Variants in ABCA12 observed in about 807,000 individuals in gnomAD.
ABCA12 encodes glucosylceramide transporter ABCA12.
A neutral mutation model predicts 293.5 loss-of-function variants in ABCA12; 156 were observed. The observed-to-expected ratio is 0.53, with a 90% CI of 0.47 to 0.61. The LOEUF (loss-of-function observed/expected upper bound fraction) is 0.61. ABCA12 is among the 20% of genes least tolerant of loss of function. ABCA12 has a pLI of 0.00. For missense variants in ABCA12, 2,797 were observed against 3,090.2 expected, an observed-to-expected ratio of 0.91 and a Z score of 2.25; for synonymous variants, 1,063 against 1,108.0, an observed-to-expected ratio of 0.96 and a Z score of 0.81.
At chr2:215,047,241 AT>A (rs1448801815) in intron 6 of ABCA12, among the ~76,000 whole-genome samples, 2 of 152,234 alleles carry the variant, frequency 1.3e-5, no homozygotes, top group Non-Finnish European at 2.9e-5. Flanking sequence ...ATTAAATTAA[AT>A]TTGTTTAAAG....
chr2:215,135,745 A>AT (rs1441643049), intron 1 of ABCA12, among the ~76,000 whole-genome samples: 1 of 151,860 alleles, frequency 6.6e-6, no homozygotes, highest in East Asian at 1.9e-4. Context: ...TCTTTAGACA[A>AT]TTTTTTTCAT....
chr2:214,997,669 A>T, intron 23 of ABCA12, 26 bp downstream of exon 23: 1 of 1,493,452 alleles, frequency 6.7e-7, no homozygotes. Context: ...GGACTTATTC[A>T]TAACAAGAAG....
intron 4 of ABCA12, 35 bp downstream of exon 4, chr2:215,054,538 G>C (rs761307514): frequency 2.6e-6 from 4 of 1,517,420 alleles, no homozygotes; most frequent in Non-Finnish European, 3.7e-6. Flanking sequence ...GTTCCATAAG[G>C]CTTGTTCTGA....
intron 39 of ABCA12, chr2:214,962,257 A>C (rs1699134670): frequency 6.6e-6 from 1 of 152,212 alleles, no homozygotes; most frequent in Admixed American, 6.5e-5. Flanking sequence ...ACTCAACTGA[A>C]GTAGGCATGG....
At chr2:214,954,347 C>T (rs1221733819) in intron 43 of ABCA12, among the ~76,000 whole-genome samples, 2 of 152,050 alleles carry the variant, frequency 1.3e-5, no homozygotes, top group African/African-American at 4.8e-5. Context: ...TGGACCTAAT[C>T]CTGGAGGCAA....
chr2:215,032,164 A>C, intron 8 of ABCA12: 1 of 1,260,160 alleles, frequency 7.9e-7, no homozygotes, highest in East Asian at 3.4e-5. Context: ...GCATCAAGCC[A>C]CTACATTATT....
chr2:215,003,021 C>T (rs970134643), intron 20 of ABCA12, among the ~76,000 whole-genome samples: 4 of 152,134 alleles, frequency 2.6e-5, no homozygotes, highest in African/African-American at 9.7e-5. Context: ...GAGAGTAAAT[C>T]CACTAGTACC....
At chr2:215,039,530 T>C (rs1340706535) in intron 7 of ABCA12, among the ~76,000 whole-genome samples, 1 of 152,100 alleles carries the variant, frequency 6.6e-6, no homozygotes, top group African/African-American at 2.4e-5. Context: ...CCAAGGCGGA[T>C]GGATCATGAG....
Position 215,040,985 on chromosome 2 carries a change from G to A in ABCA12, c.873-3920C>T, listed in dbSNP as rs78817004. On this transcript the variant is annotated intron_variant, in intron 7 of 52. Transcript: ENST00000272895. ...CACCTACTAAGCCGTGCAACCTGCA[G>A]GCCAAATCCAGCCCTAAGGCCTGTT... 4.1e-3 allele frequency among the ~76,000 whole-genome samples: 623 copies of A among 152,150 alleles called. 30 individuals are homozygous for A. The East Asian group carries it at 0.1, about 25-fold the overall frequency.
At chr2:214,968,954 A>T in intron 37 of ABCA12, 147 bp from the exon 38 acceptor site, 2 of 674,376 alleles carry the variant, frequency 3.0e-6, no homozygotes, top group Non-Finnish European at 5.2e-6. Flanking sequence ...CAAATATTTT[A>T]CATTTCTATC....
At chr2:215,111,035 G>GA (rs1299175781) in intron 2 of ABCA12, among the ~76,000 whole-genome samples, 2 of 152,214 alleles carry the variant, frequency 1.3e-5, no homozygotes, top group Admixed American at 1.3e-4. Flanking sequence ...GGATCCAAAA[G>GA]AAAATAACGG....
chr2:215,053,150 A>T (rs534759915), intron 4 of ABCA12, among the ~76,000 whole-genome samples: 1 of 152,246 alleles, frequency 6.6e-6, no homozygotes, highest in South Asian at 2.1e-4. Flanking sequence ...TAATTAAGTA[A>T]TTCCCAATGC....
chr2:215,057,111 A>G (rs977895757), intron 3 of ABCA12, among the ~76,000 whole-genome samples: 9 of 152,088 alleles, frequency 5.9e-5, no homozygotes, highest in Non-Finnish European at 1.5e-5. Flanking sequence ...TGGCTGATTA[A>G]ATAAAAAGAG....
intron 28 of ABCA12, among the ~76,000 whole-genome samples, chr2:214,984,221 C>G (rs1038721342): frequency 6.6e-6 from 1 of 151,578 alleles, no homozygotes; most frequent in Non-Finnish European, 1.5e-5. Flanking sequence ...CTCAGCCTCC[C>G]GAGTAGCTGG....
At chr2:214,974,728 C>T in intron 35 of ABCA12, 50 bp downstream of exon 35, 1 of 1,565,678 alleles carries the variant, frequency 6.4e-7, no homozygotes, top group Middle Eastern at 1.7e-4. Flanking sequence ...CATGCACACA[C>T]TCAAACTGGA....
At chr2:215,075,083 C>T (rs547125504) in intron 2 of ABCA12, among the ~76,000 whole-genome samples, 1 of 152,212 alleles carries the variant, frequency 6.6e-6, no homozygotes, top group African/African-American at 2.4e-5. Context: ...GTATTTACCC[C>T]CCACCACCAA....
At chr2:215,102,134 T>C (rs745915471) in intron 2 of ABCA12, among the ~76,000 whole-genome samples, 3 of 152,234 alleles carry the variant, frequency 2.0e-5, no homozygotes, top group Non-Finnish European at 2.9e-5. Flanking sequence ...AATGGTTCTC[T>C]TTAGAGGTTG....
chr2:215,057,072 C>T (rs897985498), intron 3 of ABCA12, among the ~76,000 whole-genome samples: 1 of 152,022 alleles, frequency 6.6e-6, no homozygotes, highest in African/African-American at 2.4e-5. Context: ...TTCCCAATAT[C>T]TAACATAGTA....
chr2:214,961,943 T>C (rs2105941620), intron 39 of ABCA12: 1 of 152,298 alleles, frequency 6.6e-6, no homozygotes, highest in South Asian at 2.1e-4. Flanking sequence ...GCATACACTA[T>C]GATGCCCAAC....
Sources: allele counts gnomAD v4.1 joint callset (sites outside exome capture counted in the v4.1 genomes callset), GRCh38; gene constraint gnomAD v4.1.1; transcripts MANE v1.5; gene names NCBI Gene and HGNC (gene_info 2026-07-23, HGNC 2026-07-21).